Variants in RGL1 observed in about 807,000 individuals in gnomAD.
RGL1 encodes ral guanine nucleotide dissociation stimulator like 1, also known as ral guanine nucleotide dissociation stimulator-like 1.
Under a neutral mutation model 95.2 loss-of-function variants are expected in RGL1, and 24 were observed. That is an observed-to-expected ratio of 0.25 (90% confidence interval 0.18 to 0.35). RGL1 has a LOEUF of 0.35. RGL1 is among the 10% of genes least tolerant of loss of function. The pLI, the probability that RGL1 is intolerant of heterozygous loss-of-function variation, is 1.00. For missense variants in RGL1, 715 were observed against 936.3 expected (o/e 0.76, Z 3.08); for synonymous variants, 329 against 344.9 (o/e 0.95, Z 0.51).
chr1:183,713,104 C>A lies in RGL1; in HGVS notation c.-32-29022C>A, dbSNP rs544929765. On this transcript the variant is annotated intron_variant, in intron 1 of 18. Coordinates refer to the RGL1 transcript ENST00000304685. ...ACAGTGGCATGATCTCGGCTAACTG[C>A]AACTTCCACCTCCCAGGTTCACGTG... 2.2e-4 allele frequency among the ~76,000 whole-genome samples: 34 copies of A among 152,262 alleles called. 1 individual carries two copies. Among genetic ancestry groups the A allele is most frequent in the Admixed American group, 2.2e-3 (33 of 15,282 alleles).
chr1:183,640,437 C>A (rs1383971425), intron 1 of RGL1, among the ~76,000 whole-genome samples: 7 of 152,086 alleles, frequency 4.6e-5, no homozygotes, highest in Non-Finnish European at 1.0e-4. Context: ...GTGATTTCAT[C>A]CTGGTATCTG....
At chr1:183,875,905 G>A (rs188999730) in intron 4 of RGL1, among the ~76,000 whole-genome samples, 1 of 148,544 alleles carries the variant, frequency 6.7e-6, no homozygotes, top group African/African-American at 2.5e-5. Flanking sequence ...AATGAGTATA[G>A]CAGATTTCAT....
intron 2 of RGL1, among the ~76,000 whole-genome samples, chr1:183,749,446 A>G (rs946572652): frequency 6.6e-6 from 1 of 151,558 alleles, no homozygotes; most frequent in African/African-American, 2.4e-5. Context: ...TGCAACCCCT[A>G]TGTGTGTCTT....
In RGL1 at chr1:183,846,391, C is replaced by T. The variant is rs9943122; in HGVS notation, c.139-1175C>T. 1.6e-3 allele frequency among the ~76,000 whole-genome samples: 242 copies of T among 147,754 alleles called. 1 individual carries two copies. The highest frequency in any genetic ancestry group is 5.7e-3 in the African/African-American group (228 of 39,720). ...GGGAACGTCACACATGGGGGCCTGT[C>T]GGGGGTGGGGTGACAGACTAGGGGA... On this transcript the variant is annotated intron_variant, in intron 2 of 17. Transcript: ENST00000360851.
chr1:183,915,468 A>G (rs762469072), intron 15 of RGL1, among the ~76,000 whole-genome samples: 17 of 152,206 alleles, frequency 1.1e-4, no homozygotes, highest in Non-Finnish European at 2.4e-4. Context: ...TTAATCAGAA[A>G]AGCATATTAA....
chr1:183,892,208 G>T, intron 9 of RGL1, 47 bp downstream of exon 9: 1 of 1,353,726 alleles, frequency 7.4e-7, no homozygotes, highest in South Asian at 1.2e-5. Context: ...AATAGCTCTG[G>T]AATCCATTCA....
rs1669741825 is a variant in RGL1 at position 183,928,446 on chromosome 1, C to T, written c.*2154C>T. On this transcript the variant is annotated 3_prime_UTR_variant, in exon 18 of 18. Coordinates refer to ENST00000360851, the MANE Select transcript of RGL1 (RefSeq NM_001297671.3). ...TTTAGCTGCTCGCATGCTTGTCTTTCTGCATCTCCATCATCTGTTTACCTT... is the reference window on the plus strand; with the variant it reads ...TTTAGCTGCTCGCATGCTTGTCTTTTTGCATCTCCATCATCTGTTTACCTT... 6.6e-6 allele frequency: 1 copy of T among 152,616 alleles called. No individual in the cohort carries two copies. Among genetic ancestry groups the T allele is most frequent in the Admixed American group, 6.5e-5 (1 of 15,282 alleles). The allele number at this position is 152,616 out of a possible 1,614,324, so 9.5% of individuals were successfully genotyped here. A position where few individuals can be genotyped will look rare whatever the true frequency, so the allele number is the denominator to read the frequency against.
At chr1:183,681,474 C>T (rs12045743) in intron 1 of RGL1, among the ~76,000 whole-genome samples, 4,250 of 152,222 alleles carry the variant, frequency 0.028, 71 homozygotes, top group East Asian at 0.081. Context: ...TGGTGGCTTA[C>T]GCTTATTAAT....
At chr1:183,718,745 G>C in intron 1 of RGL1, among the ~76,000 whole-genome samples, 1 of 151,576 alleles carries the variant, frequency 6.6e-6, no homozygotes, top group African/African-American at 2.4e-5. Flanking sequence ...TGAAACCCCC[G>C]TCTCTACTAA....
intron 1 of RGL1, among the ~76,000 whole-genome samples, chr1:183,703,885 C>A (rs539208360): frequency 6.6e-6 from 1 of 152,050 alleles, no homozygotes; most frequent in Non-Finnish European, 1.5e-5. Context: ...AAGGTGAGGA[C>A]AAGTGAGAAT....
chr1:183,846,544 A>G (rs1371908835), intron 2 of RGL1, among the ~76,000 whole-genome samples: 1 of 151,952 alleles, frequency 6.6e-6, no homozygotes, highest in Non-Finnish European at 1.5e-5. Context: ...TAATTTTTAA[A>G]AAAAAAAAGA....
intron 1 of RGL1, among the ~76,000 whole-genome samples, chr1:183,659,668 C>T (rs895163659): frequency 5.3e-5 from 8 of 152,010 alleles, no homozygotes; most frequent in Non-Finnish European, 1.2e-4. Context: ...CCCAATCTAG[C>T]AAGGCAGGCC....
In RGL1 at chr1:183,884,869, C is replaced by G. The variant is rs1667025297; in HGVS notation, c.882C>G (p.Ile294Met). 6.2e-7 allele frequency: 1 copy of G among 1,614,018 alleles called. No individual in the cohort carries two copies. The highest frequency in any genetic ancestry group is 1.7e-5 in the Admixed American group (1 of 59,994). ...NTLTKCVVST[I>M]LGGKELKTQQ... ...TCACCAAATGTGTTGTCAGCACCAT[C>G]CTGGGGGGCAAAGAACTCAAAACTC... is the stretch of plus-strand genomic sequence containing the variant. Residue 294 changes from isoleucine to methionine, a missense_variant, in exon 7 of 18, where the codon ATC becomes ATG. Ile to Met is a conservative substitution (Grantham distance 10). Transcript: ENST00000360851.
At chr1:183,801,788 T>G (rs551815612), upstream of RGL1, among the ~76,000 whole-genome samples, 1 of 152,284 alleles carries the variant, frequency 6.6e-6, no homozygotes, top group South Asian at 2.1e-4. Flanking sequence ...AGGCAGCGCA[T>G]GCAGAGATCA....
chr1:183,715,315 T>C (rs1655545081), intron 1 of RGL1, among the ~76,000 whole-genome samples: 1 of 152,172 alleles, frequency 6.6e-6, no homozygotes, highest in Admixed American at 6.5e-5. Context: ...CCCCCTTTCC[T>C]CCCTCGTTGT....
chr1:183,865,315 T>C (rs1449415771), intron 3 of RGL1, among the ~76,000 whole-genome samples: 1 of 152,162 alleles, frequency 6.6e-6, no homozygotes, highest in Non-Finnish European at 1.5e-5. Context: ...CATCTATTGC[T>C]TTCCCAAAAA....
chr1:183,887,322 G>A (rs1050806051), intron 7 of RGL1, among the ~76,000 whole-genome samples: 1 of 151,492 alleles, frequency 6.6e-6, no homozygotes, highest in Non-Finnish European at 1.5e-5. Flanking sequence ...AAATGTTTGA[G>A]GGTTTGTTTG....
chr1:183,921,216 G>A (rs539298276), intron 16 of RGL1, among the ~76,000 whole-genome samples: 55 of 152,252 alleles, frequency 3.6e-4, no homozygotes, highest in Admixed American at 7.2e-4. Context: ...TTTAACTTGT[G>A]CTTTTAAAAC....
At chr1:183,739,894 G>A (rs1657182179) in intron 1 of RGL1, among the ~76,000 whole-genome samples, 1 of 152,162 alleles carries the variant, frequency 6.6e-6, no homozygotes, top group Non-Finnish European at 1.5e-5. Context: ...AAGCAGCTGT[G>A]GGCAGACAGT....
Sources: gnomAD v4.1 joint callset for allele counts (sites outside exome capture counted in the v4.1 genomes callset) on GRCh38, gnomAD v4.1.1 for gene constraint, MANE v1.5 for transcripts, NCBI Gene and HGNC (gene_info 2026-07-23, HGNC 2026-07-21) for gene names.